Variants in EBF1 observed in about 807,000 individuals in gnomAD.
The protein encoded by EBF1 is EBF transcription factor 1.
Under a neutral mutation model 68.4 loss-of-function variants are expected in EBF1, and 10 were observed. The ratio of observed to expected loss-of-function variants is 0.15; its 90% CI spans 0.09 to 0.25. The LOEUF (loss-of-function observed/expected upper bound fraction) is 0.25, where lower values mean the gene tolerates loss of function less well. Among genes scored for constraint, EBF1 ranks in the 10% least tolerant of loss-of-function variants. The pLI, the probability that EBF1 is intolerant of heterozygous loss-of-function variation, is 1.00. For missense variants in EBF1, 509 were observed against 794.4 expected, an observed-to-expected ratio of 0.64 and a Z score of 4.32; for synonymous variants, 298 against 299.8, an observed-to-expected ratio of 0.99 and a Z score of 0.06.
chr5:158,777,417 A>G lies in EBF1; in HGVS notation c.1032T>C (p.Tyr344=), dbSNP rs1368298. The change falls in exon 10 of 16, where the codon TAT becomes TAC. Residue 344 remains tyrosine (Y), a synonymous_variant. Coordinates refer to ENST00000313708, the MANE Select transcript of EBF1 (RefSeq NM_024007.5). The part of the protein sequence containing the change: ...FCKGTPGRFI[Y]TALNEPTIDY... ...ACCATGTGCTGTGGTTCTTACCTGT[A>G]TAAATGAATCTGCCTGGTGTTCCTT... 0.47 allele frequency: 752,955 copies of G among 1,610,260 alleles called. 183,709 individuals are homozygous for G. The highest frequency in any genetic ancestry group is 0.81 in the African/African-American group (60,577 of 74,860).
At chr5:158,752,589 C>T (rs192483685) in intron 10 of EBF1, among the ~76,000 whole-genome samples, 3 of 152,094 alleles carry the variant, frequency 2.0e-5, no homozygotes, top group Non-Finnish European at 4.4e-5. Context: ...CAAATTTTTA[C>T]TGTAATACAT....
At chr5:158,839,997 A>G (rs1789822856) in intron 7 of EBF1, 32 bp downstream of exon 7, 1 of 1,593,218 alleles carries the variant, frequency 6.3e-7, no homozygotes, top group Admixed American at 1.7e-5. Context: ...TCATGCCATT[A>G]TTGAGATTCA....
At chr5:158,976,875 A>G (rs550231372) in intron 6 of EBF1, among the ~76,000 whole-genome samples, 1 of 152,194 alleles carries the variant, frequency 6.6e-6, no homozygotes, top group Non-Finnish European at 1.5e-5. Context: ...AATATTTATT[A>G]GTGAGTATAC....
chr5:158,917,877 G>T (rs138640041), intron 6 of EBF1, among the ~76,000 whole-genome samples: 23 of 152,254 alleles, frequency 1.5e-4, no homozygotes, highest in African/African-American at 2.9e-4. Flanking sequence ...AAGAGGAAAG[G>T]CTGGAGCTAG....
At chr5:159,074,741 GAGAGTA>G (rs1778428576) in intron 5 of EBF1, among the ~76,000 whole-genome samples, 1 of 152,170 alleles carries the variant, frequency 6.6e-6, no homozygotes, top group Admixed American at 6.5e-5. Context: ...CATGTCTTCG[GAGAGTA>G]AGAGTAAGAA....
chr5:158,727,024 C>T (rs1021237858), intron 11 of EBF1, among the ~76,000 whole-genome samples: 2 of 152,194 alleles, frequency 1.3e-5, no homozygotes, highest in African/African-American at 4.8e-5. Flanking sequence ...ACAACAATGC[C>T]GTGAGGCAGC....
intron 10 of EBF1, among the ~76,000 whole-genome samples, chr5:158,756,291 G>T (rs748845441): frequency 3.3e-5 from 5 of 151,822 alleles, no homozygotes; most frequent in African/African-American, 4.8e-5. Context: ...TTATGAGATA[G>T]ACTATAGCGT....
intron 6 of EBF1, among the ~76,000 whole-genome samples, chr5:159,023,925 A>AT (rs1383028005): frequency 3.9e-5 from 6 of 152,144 alleles, no homozygotes; most frequent in Non-Finnish European, 7.3e-5. Flanking sequence ...AGAAACTCAC[A>AT]TGTTCTCTTT....
At chr5:159,023,648 T>C (rs1346031579) in intron 6 of EBF1, among the ~76,000 whole-genome samples, 2 of 152,228 alleles carry the variant, frequency 1.3e-5, no homozygotes, top group Non-Finnish European at 2.9e-5. Context: ...TTTGTTTAAT[T>C]TTTATGTTAC....
At chr5:158,799,655 C>G (rs572549078) in intron 8 of EBF1, among the ~76,000 whole-genome samples, 37 of 152,260 alleles carry the variant, frequency 2.4e-4, no homozygotes, top group African/African-American at 8.9e-4. Context: ...GATCTCAGAA[C>G]AAGCATGAGA....
chr5:158,764,957 T>A (rs1461303265), intron 10 of EBF1, among the ~76,000 whole-genome samples: 1 of 152,078 alleles, frequency 6.6e-6, no homozygotes, highest in Non-Finnish European at 1.5e-5. Context: ...TCTTTCCTCA[T>A]AAAGAACAAA....
At chr5:158,838,508 C>T (rs1019150772) in intron 7 of EBF1, among the ~76,000 whole-genome samples, 1 of 151,360 alleles carries the variant, frequency 6.6e-6, no homozygotes, top group Admixed American at 6.6e-5. Flanking sequence ...TGTGTCAAGC[C>T]AAAAGGTGGT....
chr5:159,011,775 G>T (rs1764712058), intron 6 of EBF1, among the ~76,000 whole-genome samples: 1 of 152,120 alleles, frequency 6.6e-6, no homozygotes, highest in South Asian at 2.1e-4. Flanking sequence ...ATGTCACAAA[G>T]AACAAAATCT....
At position 158,702,448 on chromosome 5, in the gene EBF1, A is replaced by G. The variant is rs146278668; in HGVS notation, c.1745-3306T>C. Among the ~76,000 whole-genome samples the G allele has an allele frequency of 3.2e-3, 482 of 152,290 alleles. 3 individuals carry two copies. Among genetic ancestry groups the G allele is most frequent in the African/African-American group, 0.011 (466 of 41,574 alleles). ...CATTTTCCCCAGCAGCTGGATGATC[A>G]TGTTCTCTGACAGAAGCTCAGAAAA... On this transcript the variant is annotated intron_variant, in intron 15 of 15. Coordinates refer to ENST00000313708, the MANE Select transcript of EBF1 (RefSeq NM_024007.5).
intron 6 of EBF1, among the ~76,000 whole-genome samples, chr5:159,056,327 A>T (rs1377613780): frequency 6.6e-6 from 1 of 152,240 alleles, no homozygotes; most frequent in Admixed American, 6.5e-5. Context: ...TTTCAGCCAG[A>T]CCAGATAGTC....
intron 5 of EBF1, 97 bp downstream of exon 5, chr5:159,084,569 A>AC: frequency 1.1e-6 from 1 of 923,682 alleles, no homozygotes; most frequent in Non-Finnish European, 1.5e-6. Context: ...ACAAATGTGT[A>AC]CCAAAAAAAA....
At chr5:158,978,315 C>T (rs766334728) in intron 6 of EBF1, among the ~76,000 whole-genome samples, 4 of 152,216 alleles carry the variant, frequency 2.6e-5, no homozygotes, top group Non-Finnish European at 4.4e-5. Flanking sequence ...AGGGGCCAGG[C>T]GGATGTCTTT....
At chr5:158,877,745 C>A (rs986927434) in intron 6 of EBF1, among the ~76,000 whole-genome samples, 5 of 151,894 alleles carry the variant, frequency 3.3e-5, no homozygotes, top group African/African-American at 7.2e-5. Context: ...ATTTTGAAAA[C>A]CTTTTTAGAC....
intron 6 of EBF1, among the ~76,000 whole-genome samples, chr5:158,844,037 T>C (rs1790879343): frequency 6.6e-6 from 1 of 152,094 alleles, no homozygotes; most frequent in East Asian, 1.9e-4. Context: ...GATAAAGTGT[T>C]GTCAGGAGAA....
Sources: allele counts gnomAD v4.1 joint callset (sites outside exome capture counted in the v4.1 genomes callset), GRCh38; gene constraint gnomAD v4.1.1; transcripts MANE v1.5; gene names NCBI Gene and HGNC (gene_info 2026-07-23, HGNC 2026-07-21).